PCDH15: variants seen among roughly 807,000 people sequenced by gnomAD.
PCDH15 encodes protocadherin-15.
Under a neutral mutation model 178.5 loss-of-function variants are expected in PCDH15, and 129 were observed. The ratio of observed to expected loss-of-function variants is 0.72; its 90% CI spans 0.63 to 0.84. PCDH15 has a LOEUF of 0.84. PCDH15 is among the 40% of genes least tolerant of loss of function. PCDH15 has a pLI of 0.00. For missense variants in PCDH15, 2,230 were observed against 2,099.9 expected (o/e 1.06, Z -1.21); for synonymous variants, 800 against 732.0 (o/e 1.09, Z -1.50).
At chr10:54,780,535 C>A (rs1443324986) in intron 1 of PCDH15, among the ~76,000 whole-genome samples, 1 of 151,896 alleles carries the variant, frequency 6.6e-6, no homozygotes, top group Non-Finnish European at 1.5e-5. Context: ...ATGTAATTTT[C>A]TTTCACAATC....
intron 2 of PCDH15, among the ~76,000 whole-genome samples, chr10:55,617,295 G>A (rs927617628): frequency 6.6e-6 from 1 of 151,932 alleles, no homozygotes; most frequent in Non-Finnish European, 1.5e-5. Context: ...CAGATCCCAG[G>A]TTAAGACTTA....
chr10:54,255,302 T>G (rs1039617126), intron 8 of PCDH15, among the ~76,000 whole-genome samples: 25 of 152,198 alleles, frequency 1.6e-4, no homozygotes, highest in South Asian at 4.1e-4. Flanking sequence ...ATGAAGCAGA[T>G]GCACATCACT....
Position 55,378,891 on chromosome 10 carries a change from C to T in PCDH15, c.-155-212240G>A, listed in dbSNP as rs181874988. On this transcript the variant is annotated intron_variant, in intron 2 of 5. Transcript: ENST00000613346. ...TAACTCTCCCCATCTCTCTCTCTCT[C>T]TCTCTCTCTCTCTCTCTCACATATG... is the stretch of plus-strand genomic sequence containing the variant. Among the ~76,000 whole-genome samples, 587 of 151,528 alleles carry T rather than the reference C, an allele frequency of 3.9e-3. 8 individuals carry two copies. Among genetic ancestry groups the T allele is most frequent in the African/African-American group, 0.013 (544 of 41,200 alleles).
chr10:54,734,743 T>G (rs562696005), intron 1 of PCDH15, among the ~76,000 whole-genome samples: 1 of 151,990 alleles, frequency 6.6e-6, no homozygotes, highest in Non-Finnish European at 1.5e-5. Flanking sequence ...AACCAACTAT[T>G]GATACCTACA....
At chr10:53,914,762 T>TA (rs796507979) in intron 25 of PCDH15, among the ~76,000 whole-genome samples, 22 of 150,464 alleles carry the variant, frequency 1.5e-4, no homozygotes, top group South Asian at 4.3e-4. Context: ...TTAAAGTATA[T>TA]AAAAAAAAAT....
chr10:54,491,106 A>T (rs2079547353), intron 3 of PCDH15, among the ~76,000 whole-genome samples: 1 of 152,162 alleles, frequency 6.6e-6, no homozygotes. Flanking sequence ...GAAGGTAAGT[A>T]TAGCAAATTA....
chr10:55,582,767 C>T (rs1429981022), intron 2 of PCDH15, among the ~76,000 whole-genome samples: 1 of 150,780 alleles, frequency 6.6e-6, no homozygotes, highest in Non-Finnish European at 1.5e-5. Flanking sequence ...TAATTAAATC[C>T]ATAGGCAGCA....
chr10:54,428,940 CA>C (rs1956627631), intron 3 of PCDH15, among the ~76,000 whole-genome samples: 1 of 152,122 alleles, frequency 6.6e-6, no homozygotes, highest in African/African-American at 2.4e-5. Flanking sequence ...CCAGACCTAT[CA>C]AAGAAAAGGT....
chr10:55,170,677 T>C (rs1839309641), intron 1 of PCDH15, among the ~76,000 whole-genome samples: 2 of 151,618 alleles, frequency 1.3e-5, no homozygotes, highest in Non-Finnish European at 2.9e-5. Flanking sequence ...AGGTCAGGAG[T>C]TCGAGACTAG....
chr10:54,422,269 C>T (rs1955622205), intron 3 of PCDH15, among the ~76,000 whole-genome samples: 2 of 151,996 alleles, frequency 1.3e-5, no homozygotes, highest in South Asian at 4.1e-4. Flanking sequence ...CTTTTACAGG[C>T]TATGTGATTG....
chr10:54,959,245 A>T (rs1838578768), intron 2 of PCDH15, among the ~76,000 whole-genome samples: 1 of 151,934 alleles, frequency 6.6e-6, no homozygotes. Context: ...ATTTAACATA[A>T]AAATAGGTAA....
intron 1 of PCDH15, among the ~76,000 whole-genome samples, chr10:54,675,810 C>G (rs1331551029): frequency 6.6e-6 from 1 of 152,142 alleles, no homozygotes; most frequent in East Asian, 1.9e-4. Flanking sequence ...CCTATCCCAG[C>G]TTTTTATCCC....
intron 13 of PCDH15, among the ~76,000 whole-genome samples, chr10:54,170,234 C>T (rs10825252): frequency 0.71 from 107,724 of 151,302 alleles, 39,470 homozygotes; most frequent in Middle Eastern, 0.79. Flanking sequence ...CAATCGTGTC[C>T]GACTGATCTC....
At chr10:55,487,827 A>G (rs777638168) in intron 2 of PCDH15, among the ~76,000 whole-genome samples, 2 of 151,602 alleles carry the variant, frequency 1.3e-5, no homozygotes, top group Admixed American at 6.6e-5. Context: ...GACTATACCT[A>G]TCACATTGTA....
chr10:54,777,809 A>G (rs1480870042), intron 1 of PCDH15, among the ~76,000 whole-genome samples: 3 of 152,172 alleles, frequency 2.0e-5, no homozygotes, highest in Admixed American at 1.3e-4. Context: ...TTGCCAAAAG[A>G]AAGTATTGGT....
intron 3 of PCDH15, among the ~76,000 whole-genome samples, chr10:54,443,990 G>A (rs2075994967): frequency 1.3e-5 from 2 of 151,566 alleles, no homozygotes; most frequent in African/African-American, 2.4e-5. Flanking sequence ...TACATACAAA[G>A]TCTTCATGTC....
intron 2 of PCDH15, among the ~76,000 whole-genome samples, chr10:54,542,813 G>C (rs989964567): frequency 2.6e-5 from 4 of 152,162 alleles, no homozygotes; most frequent in Non-Finnish European, 5.9e-5. Flanking sequence ...CATAGGTGAA[G>C]ACTGGCGCTC....
chr10:55,300,628 G>T (rs1843249137), intron 1 of PCDH15, among the ~76,000 whole-genome samples: 1 of 151,902 alleles, frequency 6.6e-6, no homozygotes, highest in African/African-American at 2.4e-5. Flanking sequence ...GATTTTTCCG[G>T]GAATTCTTAA....
intron 2 of PCDH15, among the ~76,000 whole-genome samples, chr10:55,097,208 A>G (rs1842467192): frequency 6.6e-6 from 1 of 152,170 alleles, no homozygotes; most frequent in African/African-American, 2.4e-5. Flanking sequence ...AATAGATTTA[A>G]TTATTCTTGT....
Sources: gnomAD v4.1 joint callset for allele counts (sites outside exome capture counted in the v4.1 genomes callset) on GRCh38, gnomAD v4.1.1 for gene constraint, MANE v1.5 for transcripts, NCBI Gene and HGNC (gene_info 2026-07-23, HGNC 2026-07-21) for gene names.